Variants in SIPA1 observed in about 807,000 individuals in gnomAD.
SIPA1 encodes signal-induced proliferation-associated 1, also known as signal-induced proliferation-associated protein 1.
In SIPA1, 51 loss-of-function variants were observed where a neutral mutation model predicts 88.1. The ratio of observed to expected loss-of-function variants is 0.58; its 90% CI spans 0.46 to 0.73. SIPA1 has a LOEUF of 0.73. Among genes scored for constraint, SIPA1 ranks in the 30% least tolerant of loss-of-function variants. The probability of loss-of-function intolerance (pLI) is 0.00; values close to 1 mark genes in which losing one functional copy is unlikely to be tolerated. For synonymous variants in SIPA1, 681 were observed against 664.8 expected, an observed-to-expected ratio of 1.02 and a Z score of -0.37; for missense variants, 1,348 against 1,467.6, an observed-to-expected ratio of 0.92 and a Z score of 1.33.
chr11:65,638,671 G>T (rs1165204885), intron 1 of SIPA1, among the ~76,000 whole-genome samples: 1 of 152,226 alleles, frequency 6.6e-6, no homozygotes, highest in Non-Finnish European at 1.5e-5. Flanking sequence ...AGGCCTTCCG[G>T]ATCTGTGGGG....
In SIPA1 at chr11:65,646,582, G is replaced by T; in HGVS notation, c.1548G>T (p.Gln516His). Reference protein sequence around the residue: ...FLLAKALNGEQAAGHARQFHA... With the variant: ...FLLAKALNGEHAAGHARQFHA... ...TGGCCAAAGCGCTGAATGGTGAGCA[G>T]GCGGCCGGCCACGCGCGCCAGTTCC... Residue 516 changes from glutamine (Q) to histidine (H), a missense_variant, in exon 8 of 16, where the codon CAG (glutamine) becomes CAT (histidine). Transcript: ENST00000534313. The surrounding 1 kb of genome is among the most constrained non-coding windows in gnomAD (Gnocchi z 7.5). 6.5e-7 allele frequency: 1 copy of T among 1,547,686 alleles called. No homozygotes were observed.
rs190054928 is a variant in SIPA1 at position 65,647,948 on chromosome 11, T to C, written c.2306+290T>C. Among the ~76,000 whole-genome samples, 36 of 151,964 alleles carry C rather than the reference T, an allele frequency of 2.4e-4. No individual in the cohort carries two copies. The East Asian group carries it at 6.8e-3, about 29-fold the overall frequency. ...GTGCAATGGCGTGATTTCGGCTTAC[T>C]GCAACATCCGCCTCCCAGGTTCAAG... On this transcript the variant is annotated intron_variant, in intron 9 of 15. Coordinates refer to ENST00000534313, the MANE Select transcript of SIPA1 (RefSeq NM_006747.4).
chr11:65,639,270 G>C (rs1333775535), intron 1 of SIPA1: 1 of 152,090 alleles, frequency 6.6e-6, no homozygotes, highest in South Asian at 2.1e-4. Context: ...CACCACACCC[G>C]GCTAATTTTT....
At position 65,646,303 on chromosome 11, in the gene SIPA1, C is replaced by T. The variant is rs1856112266; in HGVS notation, c.1346C>T (p.Thr449Ile). The T allele has an allele frequency of 6.2e-7, 1 of 1,614,130 alleles. No homozygotes were observed. The highest frequency in any genetic ancestry group is 8.5e-7 in the Non-Finnish European group (1 of 1,180,010). Residue 449 changes from threonine to isoleucine, a missense_variant, in exon 7 of 16, where the codon ACC becomes ATC. Coordinates refer to ENST00000534313, the MANE Select transcript of SIPA1 (RefSeq NM_006747.4). The surrounding 1 kb of genome is among the most constrained non-coding windows in gnomAD (Gnocchi z 7.5). ...EPGSKPFCPT[T>I]IRSHFQHVFL... ...GGCAGCAAGCCCTTCTGCCCCACCA[C>T]CATCCGCTCGCACTTCCAGCACGTG...
chr11:65,644,793 A>C (rs1388825492), intron 4 of SIPA1, among the ~76,000 whole-genome samples, 162 bp from the exon 5 acceptor site: 1 of 152,068 alleles, frequency 6.6e-6, no homozygotes, highest in Non-Finnish European at 1.5e-5. Context: ...ACTCCCAAGC[A>C]CGAGGAGCAC....
Position 65,642,498 on chromosome 11 carries a change from G to A in SIPA1, c.843G>A (p.Ala281=). The A allele has an allele frequency of 3.7e-6, 6 of 1,610,604 alleles. No homozygotes were observed. Among genetic ancestry groups the A allele is most frequent in the Non-Finnish European group, 5.1e-6 (6 of 1,179,438 alleles). ...RTLRGTISED[A]LPPGPPRGLS... is the part of the protein sequence containing the mutation. ...TCCGTGGCACCATCTCGGAGGACGC[G>A]CTGCCGCCGGGGCCCCCACGGGGTC... The change falls in exon 4 of 16, where the codon GCG becomes GCA. Residue 281 remains alanine, a synonymous_variant. Transcript: ENST00000534313. The surrounding 1 kb of genome is among the most constrained non-coding windows in gnomAD (Gnocchi z 6.5).
Position 65,645,074 on chromosome 11 carries a change from C to A in SIPA1, c.1104C>A (p.Gly368=). Residue 368 remains glycine, a synonymous_variant, in exon 5 of 16, where the codon GGC becomes GGA. Transcript: ENST00000534313. Reference sequence around the variant, plus strand: ...TCATGCAGTTTCTCACCTTGCTGGGCGATGTGGTGCGGCTCAAAGGCTTTG... The same window carrying A: ...TCATGCAGTTTCTCACCTTGCTGGGAGATGTGGTGCGGCTCAAAGGCTTTG... ...PAFMQFLTLL[G]DVVRLKGFES... 6.2e-7 allele frequency: 1 copy of A among 1,613,968 alleles called. No individual in the cohort carries two copies. Among genetic ancestry groups the A allele is most frequent in the Non-Finnish European group, 8.5e-7 (1 of 1,179,928 alleles).
rs371357622 is a variant in SIPA1 at position 65,641,389 on chromosome 11, G to C, written c.468G>C (p.Ser156=). 1.9e-6 allele frequency: 3 copies of C among 1,613,224 alleles called. No homozygotes were observed. Among genetic ancestry groups the C allele is most frequent in the South Asian group, 2.2e-5 (2 of 91,080 alleles). ...CAGCCGAGGACCAGGCTGCCAGCTC[G>C]GACCTGCTGCATGGGGCACCTGGCT... ...LASAEDQAAS[S]DLLHGAPGFV... is the part of the protein sequence containing the mutation. The change falls in exon 2 of 16, where the codon TCG becomes TCC. Residue 156 remains serine (S), a synonymous_variant. Transcript: ENST00000534313.
At chr11:65,649,044 G>A (rs1856196690) in intron 9 of SIPA1, 1 of 511,578 alleles carries the variant, frequency 2.0e-6, no homozygotes, top group Non-Finnish European at 3.5e-6. Flanking sequence ...AGAAATTGAT[G>A]TTCAGAGTGA....
At position 65,642,134 on chromosome 11, in the gene SIPA1, G is replaced by C; in HGVS notation, c.680-116G>C. The C allele has an allele frequency of 1.4e-6, 2 of 1,391,658 alleles. No homozygotes were observed. Among genetic ancestry groups the C allele is most frequent in the South Asian group, 2.6e-5 (2 of 75,770 alleles). The allele number at this position is 1,391,658 out of a possible 1,614,324, so 86.2% of individuals were successfully genotyped here. ...ACAGAGGGGCGGGACTTAGTCTAGG[G>C]TCAACATTTGGTGGTGAGATGAAGC... On this transcript the variant is annotated intron_variant, in intron 2 of 15. Coordinates refer to ENST00000534313, the MANE Select transcript of SIPA1 (RefSeq NM_006747.4). The surrounding 1 kb of genome is among the most constrained non-coding windows in gnomAD (Gnocchi z 6.5).
In SIPA1 at chr11:65,646,313, G is replaced by C. The variant is rs778958092; in HGVS notation, c.1356G>C (p.Ser452=). ...CCTTCTGCCCCACCACCATCCGCTCGCACTTCCAGCACGTGTTCCTAGTGG... is the reference window on the plus strand; with the variant it reads ...CCTTCTGCCCCACCACCATCCGCTCCCACTTCCAGCACGTGTTCCTAGTGG... ...SKPFCPTTIR[S]HFQHVFLVVR... Residue 452 remains serine (S), a synonymous_variant, in exon 7 of 16, where the codon TCG becomes TCC. Transcript: ENST00000534313. The surrounding 1 kb of genome is among the most constrained non-coding windows in gnomAD (Gnocchi z 7.5). The C allele has an allele frequency of 6.2e-7, 1 of 1,613,948 alleles. No individual in the cohort carries two copies. Among genetic ancestry groups the C allele is most frequent in the Non-Finnish European group, 8.5e-7 (1 of 1,179,988 alleles).
chr11:65,650,752 G>T lies in SIPA1; in HGVS notation c.*37G>T. On this transcript the variant is annotated 3_prime_UTR_variant, in exon 16 of 16. Transcript: ENST00000534313. ...CCACCTGGGCCCCTGAGGGCACTGT[G>T]GTCACACTGGGCCCTCCTCAGGAAC... is the stretch of plus-strand genomic sequence containing the variant. 6.6e-7 allele frequency: 1 copy of T among 1,514,074 alleles called. No individual in the cohort carries two copies. The allele number at this position is 1,514,074 out of a possible 1,614,324, so 93.8% of individuals were successfully genotyped here.
intron 9 of SIPA1, 54 bp from the exon 10 acceptor site, chr11:65,649,208 A>G: frequency 7.6e-7 from 1 of 1,311,478 alleles, no homozygotes; most frequent in Non-Finnish European, 1.0e-6. Context: ...GGGGCTAGTG[A>G]TGCAGGACGC....
At position 65,647,709 on chromosome 11, in the gene SIPA1, G is replaced by A. The variant is rs1412019389; in HGVS notation, c.2306+51G>A. 3.9e-6 allele frequency: 5 copies of A among 1,280,174 alleles called. No individual in the cohort carries two copies. The South Asian group carries it at 5.7e-5, about 15-fold the overall frequency. 79.3% of individuals were successfully genotyped at this position (1,280,174 alleles called of 1,614,324 possible). A position where few individuals can be genotyped will look rare whatever the true frequency, so the allele number is the denominator to read the frequency against. On this transcript the variant is annotated intron_variant, in intron 9 of 15. Transcript: ENST00000534313. ...GTGGGAGGGCCGGCAGTTGGCCACCGCGCAGTCTGCGCCTCCCGGGTCGCC... is the reference window on the plus strand; with the variant it reads ...GTGGGAGGGCCGGCAGTTGGCCACCACGCAGTCTGCGCCTCCCGGGTCGCC...
rs1360724124 is a variant in SIPA1 at position 65,650,647 on chromosome 11, G to C, written c.3061G>C (p.Glu1021Gln). Residue 1021 changes from glutamate (E) to glutamine (Q), a missense_variant, in exon 16 of 16, where the codon GAG (glutamate) becomes CAG (glutamine). This residue lies in a region of SIPA1 where 615 missense variants were observed against 559.8 expected (regional missense o/e 1.10). Transcript: ENST00000534313. Reference protein sequence around the residue: ...HNNRRLQAESESAATRLLLAS... With the variant: ...HNNRRLQAESQSAATRLLLAS... The stretch of plus-strand genomic sequence containing the variant: ...CAACCGGCGGCTGCAGGCGGAGTCT[G>C]AGAGTGCAGCCACACGCCTCCTCCT... 8.9e-6 allele frequency: 14 copies of C among 1,574,208 alleles called. No individual in the cohort carries two copies. The highest frequency in any genetic ancestry group is 7.0e-5 in the East Asian group (3 of 42,652).
At chr11:65,644,828 C>T in intron 4 of SIPA1, 127 bp from the exon 5 acceptor site, 2 of 913,224 alleles carry the variant, frequency 2.2e-6, no homozygotes, top group Non-Finnish European at 3.4e-6. Context: ...ACCTGACAGG[C>T]AAGGGCACAA....
rs769383222 is a variant in SIPA1, at chr11:65,642,113, A to AG, written c.680-133dup. The AG allele has an allele frequency of 1.6e-5, 20 of 1,235,496 alleles. No individual in the cohort carries two copies. Among genetic ancestry groups the AG allele is most frequent in the Non-Finnish European group, 2.1e-5 (19 of 892,704 alleles). 76.5% of individuals were successfully genotyped at this position (1,235,496 alleles called of 1,614,324 possible). ...CAAGATATTGAGCTCGGGGCTACAG[A>AG]GGGGCGGGACTTAGTCTAGGGTCAA... is the stretch of plus-strand genomic sequence containing the variant. On this transcript the variant is annotated intron_variant, in intron 2 of 15. Transcript: ENST00000534313. This position sits in a 1 kb window ranked among gnomAD's most constrained non-coding sequence, Gnocchi z 6.5.
rs1161480276 is a variant in SIPA1 at position 65,649,332 on chromosome 11, G to C, written c.2377G>C (p.Asp793His). The C allele has an allele frequency of 6.4e-7, 1 of 1,560,104 alleles. No individual in the cohort carries two copies. The highest frequency in any genetic ancestry group is 1.2e-5 in the South Asian group (1 of 85,000). ...GCGGGGGGCCCCAGATCCTGTGCAG[G>C]ATGAGGTCCAGGGGGTGACCCTGCT... ...SRRGAPDPVQ[D>H]EVQGVTLLPT... The change falls in exon 10 of 16, where the codon GAT becomes CAT. Residue 793 changes from aspartate (D) to histidine (H), a missense_variant. By Grantham distance (81) the Asp-to-His change is moderately conservative. Transcript: ENST00000534313.
chr11:65,649,083 G>C, intron 9 of SIPA1, 179 bp from the exon 10 acceptor site: 1 of 575,350 alleles, frequency 1.7e-6, no homozygotes. Context: ...GGGCAGCACT[G>C]GAATTTGAAC....
Sources: allele counts gnomAD v4.1 joint callset (sites outside exome capture counted in the v4.1 genomes callset), GRCh38; gene constraint gnomAD v4.1.1; regional missense constraint gnomAD v4.1.1; non-coding constraint Gnocchi (gnomAD v3.1); transcripts MANE v1.5; gene names NCBI Gene and HGNC (gene_info 2026-07-23, HGNC 2026-07-21).